CNTNAP2: variants seen among roughly 807,000 people sequenced by gnomAD.
The protein encoded by CNTNAP2 is contactin-associated protein-like 2.
Under a neutral mutation model 155.2 loss-of-function variants are expected in CNTNAP2, and 98 were observed. That is an observed-to-expected ratio of 0.63 (90% CI 0.54 to 0.75). The LOEUF is 0.75. CNTNAP2 is among the 30% of genes least tolerant of loss of function. CNTNAP2 has a pLI of 0.00. For missense variants in CNTNAP2, 1,727 were observed against 1,688.1 expected (o/e 1.02, Z -0.40); for synonymous variants, 651 against 631.2 (o/e 1.03, Z -0.47).
At chr7:147,740,383 A>T (rs1207677283) in intron 13 of CNTNAP2, among the ~76,000 whole-genome samples, 1 of 152,236 alleles carries the variant, frequency 6.6e-6, no homozygotes, top group Non-Finnish European at 1.5e-5. Flanking sequence ...GTAGAGAAAC[A>T]CATTTGTGTA....
intron 1 of CNTNAP2, among the ~76,000 whole-genome samples, chr7:146,367,266 T>C (rs1402897228): frequency 6.6e-6 from 1 of 152,158 alleles, no homozygotes; most frequent in African/African-American, 2.4e-5. Flanking sequence ...CATGGGGTAA[T>C]TATTATCAAA....
chr7:146,418,453 G>A (rs1196106616), intron 1 of CNTNAP2, among the ~76,000 whole-genome samples: 1 of 152,034 alleles, frequency 6.6e-6, no homozygotes, highest in African/African-American at 2.4e-5. Flanking sequence ...CTTTTGCAAA[G>A]TTTCCCCAGA....
chr7:148,281,082 C>T (rs1045306782), intron 21 of CNTNAP2, among the ~76,000 whole-genome samples: 60 of 152,120 alleles, frequency 3.9e-4, no homozygotes, highest in African/African-American at 1.4e-3. Context: ...GGACCTGCAG[C>T]GATTAAGCCA....
chr7:146,787,654 C>T (rs1172481147), intron 2 of CNTNAP2, among the ~76,000 whole-genome samples: 1 of 152,174 alleles, frequency 6.6e-6, no homozygotes, highest in African/African-American at 2.4e-5. Flanking sequence ...TTCCCCCGCG[C>T]ATGAGGGTAC....
At chr7:147,838,634 C>A (rs571418703) in intron 13 of CNTNAP2, among the ~76,000 whole-genome samples, 41 of 152,330 alleles carry the variant, frequency 2.7e-4, no homozygotes, top group African/African-American at 7.9e-4. Flanking sequence ...AAAAGAATCA[C>A]CTTTGCTCCA....
intron 21 of CNTNAP2, among the ~76,000 whole-genome samples, chr7:148,344,934 T>A (rs192259117): frequency 5.6e-4 from 86 of 152,296 alleles, no homozygotes; most frequent in South Asian, 2.5e-3. Flanking sequence ...GGCAGCACAG[T>A]CCATGCCGCG....
chr7:146,384,614 A>G (rs1795434814), intron 1 of CNTNAP2, among the ~76,000 whole-genome samples: 1 of 152,304 alleles, frequency 6.6e-6, no homozygotes, highest in Admixed American at 6.5e-5. Flanking sequence ...ATCAAGTATC[A>G]TTGTGTAATC....
intron 13 of CNTNAP2, among the ~76,000 whole-genome samples, chr7:147,640,953 T>C (rs1024154444): frequency 2.0e-5 from 3 of 152,144 alleles, no homozygotes; most frequent in Non-Finnish European, 4.4e-5. Flanking sequence ...CCCTAGCCTT[T>C]TAATATGCAA....
Position 147,300,156 on chromosome 7 carries a change from A to G in CNTNAP2, c.1364A>G (p.Asp455Gly), listed in dbSNP as rs1277360675. Reference sequence around the variant, plus strand: ...TACTTACCAGGTTCTGGGTTGAATGATGGACAGTGGCACGAGGTTCGCTTC... The same window carrying G: ...TACTTACCAGGTTCTGGGTTGAATGGTGGACAGTGGCACGAGGTTCGCTTC... ...IDISSGSGLN[D>G]GQWHEVRFLA... The change falls in exon 9 of 24, where the codon GAT becomes GGT. Residue 455 changes from aspartate to glycine, a missense_variant. Physicochemically the swap from Asp to Gly is moderately conservative, Grantham distance 94. Coordinates refer to ENST00000361727, the MANE Select transcript of CNTNAP2 (RefSeq NM_014141.6). 1 of 1,614,034 alleles carries G rather than the reference A, an allele frequency of 6.2e-7. No homozygotes were observed. The highest frequency in any genetic ancestry group is 1.7e-5 in the Admixed American group (1 of 60,012).
chr7:148,053,003 C>T (rs755529004), intron 15 of CNTNAP2, among the ~76,000 whole-genome samples: 2 of 152,086 alleles, frequency 1.3e-5, no homozygotes, highest in East Asian at 1.9e-4. Context: ...GCCTAAATCA[C>T]GCCACTGCAC....
chr7:146,950,747 TA>T (rs550883193), intron 3 of CNTNAP2, among the ~76,000 whole-genome samples: 177 of 152,286 alleles, frequency 1.2e-3, no homozygotes, highest in African/African-American at 3.3e-3. Context: ...AGTGCTGCAA[TA>T]AACAGACTTG....
chr7:148,336,399 C>T (rs1277154808), intron 21 of CNTNAP2, among the ~76,000 whole-genome samples: 1 of 151,332 alleles, frequency 6.6e-6, no homozygotes, highest in Non-Finnish European at 1.5e-5. Context: ...ATATGCTTCT[C>T]AGAGTCATCT....
chr7:146,485,552 T>C lies in CNTNAP2; in HGVS notation c.98-288719T>C, dbSNP rs969972855. On this transcript the variant is annotated intron_variant, in intron 1 of 23. Coordinates refer to ENST00000361727, the MANE Select transcript of CNTNAP2 (RefSeq NM_014141.6). ...GCTCTTTCCTTCATATTTCCTGTCA[T>C]GATGGAATGCTTACTTTTTTGAAAG... Among the ~76,000 whole-genome samples, 9 of 152,200 alleles carry C rather than the reference T, an allele frequency of 5.9e-5. No individual in the cohort carries two copies. The South Asian group carries it at 8.3e-4, about 14-fold the overall frequency.
In CNTNAP2 at chr7:146,167,326, G is replaced by A. The variant is rs1798326853; in HGVS notation, c.97+50353G>A. Among the ~76,000 whole-genome samples, 7 of 152,160 alleles carry A rather than the reference G, an allele frequency of 4.6e-5. No individual in the cohort carries two copies. In the South Asian group the frequency reaches 1.4e-3, roughly 31 times the overall value. ...GTTAAGCTATTGTGGAAACACAGAAGAAGAGACTCAAATCAAATTGGAGAG... is the reference window on the plus strand; with the variant it reads ...GTTAAGCTATTGTGGAAACACAGAAAAAGAGACTCAAATCAAATTGGAGAG... On this transcript the variant is annotated intron_variant, in intron 1 of 23. Transcript: ENST00000361727.
At chr7:146,939,514 T>G (rs1040252406) in intron 3 of CNTNAP2, among the ~76,000 whole-genome samples, 4 of 152,216 alleles carry the variant, frequency 2.6e-5, no homozygotes, top group Non-Finnish European at 5.9e-5. Context: ...TTTGAAATAA[T>G]TATCTATTTA....
At chr7:148,262,470 AT>A (rs1337273036) in intron 20 of CNTNAP2, among the ~76,000 whole-genome samples, 10 of 152,194 alleles carry the variant, frequency 6.6e-5, no homozygotes, top group Non-Finnish European at 1.2e-4. Flanking sequence ...GCTGAAGTCA[AT>A]CAGAAAGGCT....
chr7:147,265,252 A>G (rs184564782), intron 8 of CNTNAP2, among the ~76,000 whole-genome samples: 26 of 152,312 alleles, frequency 1.7e-4, no homozygotes, highest in Admixed American at 2.6e-4. Context: ...GGTTTGTTAC[A>G]CAGATAAACG....
At chr7:147,232,599 A>G (rs1389213672) in intron 8 of CNTNAP2, among the ~76,000 whole-genome samples, 3 of 152,240 alleles carry the variant, frequency 2.0e-5, no homozygotes, top group Admixed American at 6.5e-5. Flanking sequence ...AGTTTCATCA[A>G]TAAATGATGT....
At chr7:146,567,851 G>A (rs564224640) in intron 1 of CNTNAP2, among the ~76,000 whole-genome samples, 2 of 152,132 alleles carry the variant, frequency 1.3e-5, no homozygotes, top group South Asian at 2.1e-4. Flanking sequence ...CTCCTGAGTA[G>A]CTGGGACTAC....
Sources: gnomAD v4.1 joint callset for allele counts (sites outside exome capture counted in the v4.1 genomes callset) on GRCh38, gnomAD v4.1.1 for gene constraint, MANE v1.5 for transcripts, NCBI Gene and HGNC (gene_info 2026-07-23, HGNC 2026-07-21) for gene names.